PPARG: variants seen among roughly 807,000 people sequenced by gnomAD.
PPARG encodes peroxisome proliferator activated receptor gamma.
In PPARG, 17 loss-of-function variants were observed where a neutral mutation model predicts 39.2. That is an observed-to-expected ratio of 0.43 (90% CI 0.30 to 0.65). The LOEUF is 0.65. Ranked by LOEUF, PPARG falls within the 30% of genes least tolerant of loss-of-function variation. The pLI, the probability that PPARG is intolerant of heterozygous loss-of-function variation, is 0.13. For missense variants in PPARG, 406 were observed against 585.9 expected, an observed-to-expected ratio of 0.69 and a Z score of 3.17; for synonymous variants, 223 against 215.7, an observed-to-expected ratio of 1.03 and a Z score of -0.30.
intron 7 of PPARG, among the ~76,000 whole-genome samples, chr3:12,426,926 G>A (rs565811981): frequency 3.3e-5 from 5 of 152,262 alleles, no homozygotes; most frequent in Admixed American, 1.3e-4. Flanking sequence ...GTGCACCCTT[G>A]GCCACACATT....
intron 2 of PPARG, among the ~76,000 whole-genome samples, chr3:12,316,838 T>A (rs1361491983): frequency 6.6e-6 from 1 of 152,068 alleles, no homozygotes; most frequent in African/African-American, 2.4e-5. Flanking sequence ...CAGGAAACAG[T>A]AGAGCTGGGT....
intron 6 of PPARG, among the ~76,000 whole-genome samples, chr3:12,413,827 A>T (rs2125276971): frequency 6.6e-6 from 1 of 151,918 alleles, no homozygotes; most frequent in African/African-American, 2.4e-5. Flanking sequence ...AAAAAAAAAA[A>T]AAAAAAAAAA....
intron 2 of PPARG, chr3:12,351,813 C>T (rs143508687): frequency 8.3e-6 from 6 of 718,948 alleles, no homozygotes; most frequent in African/African-American, 5.3e-5. Context: ...ATGCTTAGCT[C>T]GTTGCTATCG....
chr3:12,309,320 G>A (rs984223082), intron 1 of PPARG, among the ~76,000 whole-genome samples: 3 of 152,024 alleles, frequency 2.0e-5, no homozygotes, highest in African/African-American at 7.2e-5. Flanking sequence ...GTAATCATAC[G>A]GTTTTTTGAC....
At chr3:12,396,618 C>T (rs116571950) in intron 5 of PPARG, among the ~76,000 whole-genome samples, 2,029 of 151,920 alleles carry the variant, frequency 0.013, 54 homozygotes, top group African/African-American at 0.046. Context: ...ATTAGTCGGG[C>T]GTGATGGCTT....
rs866214714 is a variant in PPARG, at chr3:12,359,854, A to G, written c.-8-19850A>G. ...CACGCCTGGCTAATTTTGTATTTTT[A>G]GTAGAGACGGGGTTTCACCATGTTG... On this transcript the variant is annotated intron_variant, in intron 2 of 7. Transcript: ENST00000651735. Among the ~76,000 whole-genome samples the G allele has an allele frequency of 6.6e-5, 10 of 151,880 alleles. 1 individual carries two copies. Among genetic ancestry groups the G allele is most frequent in the African/African-American group, 2.4e-4 (10 of 41,338 alleles).
intron 2 of PPARG, among the ~76,000 whole-genome samples, chr3:12,319,002 A>G (rs972886404): frequency 2.0e-5 from 3 of 152,244 alleles, no homozygotes; most frequent in Non-Finnish European, 1.5e-5. Flanking sequence ...TGACGTAAGC[A>G]TCTTTAATAA....
intron 7 of PPARG, among the ~76,000 whole-genome samples, chr3:12,432,357 G>C (rs1162692798): frequency 6.6e-6 from 1 of 152,038 alleles, no homozygotes; most frequent in Non-Finnish European, 1.5e-5. Context: ...GTAATTCACT[G>C]TGCTAGGTTA....
In PPARG at chr3:12,379,732, A is replaced by G. The variant is rs755878073; in HGVS notation, c.21A>G (p.Pro7=). ...TGACCATGGTTGACACAGAGATGCC[A>G]TTCTGGCCCACCAACTTTGGGATCA... MVDTEM[P]FWPTNFGISS... The change falls in exon 3 of 8, where the codon CCA becomes CCG. Residue 7 remains proline, a synonymous_variant. Transcript: ENST00000651735. 45 of 1,613,912 alleles carry G rather than the reference A, an allele frequency of 2.8e-5. No homozygotes were observed. The highest frequency in any genetic ancestry group is 8.8e-5 in the South Asian group (8 of 91,084).
chr3:12,328,349 A>G, intron 2 of PPARG: 1 of 748,320 alleles, frequency 1.3e-6, no homozygotes, highest in Non-Finnish European at 2.3e-6. Flanking sequence ...TCTGCAGGGA[A>G]ACAGCTTCTC....
intron 1 of PPARG, among the ~76,000 whole-genome samples, chr3:12,307,790 G>A (rs1412204068): frequency 6.6e-6 from 1 of 152,172 alleles, no homozygotes; most frequent in African/African-American, 2.4e-5. Context: ...AATGTATTTT[G>A]AAAGACCCCG....
At chr3:12,373,231 G>A (rs997133001) in intron 2 of PPARG, among the ~76,000 whole-genome samples, 1 of 152,114 alleles carries the variant, frequency 6.6e-6, no homozygotes, top group Non-Finnish European at 1.5e-5. Context: ...GTGCCTCCCA[G>A]TAACTATGGT....
At chr3:12,406,108 G>T (rs1471171136) in intron 6 of PPARG, 27 bp downstream of exon 6, 1 of 1,608,896 alleles carries the variant, frequency 6.2e-7, no homozygotes, top group Non-Finnish European at 8.5e-7. Flanking sequence ...TGTCTTCATT[G>T]GGGGAGGCGG....
intron 2 of PPARG, among the ~76,000 whole-genome samples, chr3:12,329,166 CAAAAA>C (rs35196430): frequency 1.6e-5 from 2 of 125,400 alleles, no homozygotes; most frequent in African/African-American, 6.0e-5. Flanking sequence ...ACTCAAAATG[CAAAAA>C]AAAAAAAAAA....
intron 6 of PPARG, among the ~76,000 whole-genome samples, chr3:12,411,967 G>A (rs1277140611): frequency 6.6e-6 from 1 of 152,142 alleles, no homozygotes; most frequent in African/African-American, 2.4e-5. Flanking sequence ...CATCAGGAAA[G>A]CCACACTCGA....
At chr3:12,381,945 G>A (rs187545835) in intron 4 of PPARG, among the ~76,000 whole-genome samples, 1 of 149,982 alleles carries the variant, frequency 6.7e-6, no homozygotes, top group Admixed American at 6.7e-5. Context: ...TATTTATTTT[G>A]CTATACCGTG....
chr3:12,370,593 A>G (rs2049175961), intron 2 of PPARG, among the ~76,000 whole-genome samples: 2 of 152,200 alleles, frequency 1.3e-5, no homozygotes, highest in African/African-American at 4.8e-5. Flanking sequence ...TCATTTCTCA[A>G]ACCATATTCC....
intron 1 of PPARG, among the ~76,000 whole-genome samples, chr3:12,309,090 T>C (rs192163798): frequency 8.7e-4 from 132 of 152,314 alleles, no homozygotes; most frequent in African/African-American, 3.0e-3. Context: ...TATGCAAATT[T>C]ATTTTATGGT....
intron 1 of PPARG, among the ~76,000 whole-genome samples, chr3:12,294,807 C>T (rs1383453400): frequency 6.6e-6 from 1 of 152,064 alleles, no homozygotes; most frequent in Non-Finnish European, 1.5e-5. Context: ...GCAGGAGAAT[C>T]GGTTGAACCC....
Sources: allele counts gnomAD v4.1 joint callset (sites outside exome capture counted in the v4.1 genomes callset), GRCh38; gene constraint gnomAD v4.1.1; transcripts MANE v1.5; gene names NCBI Gene and HGNC (gene_info 2026-07-23, HGNC 2026-07-21).